PDE4D: variants seen among roughly 807,000 people sequenced by gnomAD.
The protein encoded by PDE4D is phosphodiesterase 4D.
PDE4D carries 24 observed loss-of-function variants against 87.4 expected under a neutral mutation model. The observed-to-expected ratio is 0.27, with a 90% CI of 0.20 to 0.39. PDE4D has a LOEUF of 0.39. PDE4D is among the 10% of genes least tolerant of loss of function. PDE4D has a pLI of 1.00. For synonymous variants in PDE4D, 384 were observed against 383.2 expected, an observed-to-expected ratio of 1.00 and a Z score of -0.02; for missense variants, 714 against 1,041.0, an observed-to-expected ratio of 0.69 and a Z score of 4.32.
intron 1 of PDE4D, among the ~76,000 whole-genome samples, chr5:59,519,004 A>G (rs1230090690): frequency 6.6e-6 from 1 of 152,212 alleles, no homozygotes; most frequent in Non-Finnish European, 1.5e-5. Flanking sequence ...GCAGGTGTTA[A>G]TAAGTGTTAG....
intron 1 of PDE4D, among the ~76,000 whole-genome samples, chr5:59,276,967 A>G (rs552902974): frequency 2.6e-5 from 4 of 152,248 alleles, no homozygotes; most frequent in East Asian, 1.9e-4. Context: ...CAGAGGATAT[A>G]TACTCCTCTG....
chr5:60,202,963 T>C (rs1240133875), intron 1 of PDE4D, among the ~76,000 whole-genome samples: 1 of 152,160 alleles, frequency 6.6e-6, no homozygotes, highest in African/African-American at 2.4e-5. Flanking sequence ...TTGTTCATAA[T>C]AATAAAAACA....
intron 1 of PDE4D, chr5:59,356,807 C>T (rs1383912259): frequency 6.4e-7 from 1 of 1,564,362 alleles, no homozygotes; most frequent in Non-Finnish European, 8.6e-7. Flanking sequence ...GTAGATGGTC[C>T]TGGCACCGTG....
chr5:59,028,843 T>C (rs549246868), intron 6 of PDE4D, among the ~76,000 whole-genome samples: 38 of 152,308 alleles, frequency 2.5e-4, no homozygotes, highest in Admixed American at 1.4e-3. Flanking sequence ...TGTCCAAAAG[T>C]ATGCCCAGTG....
At chr5:60,112,069 C>G (rs1582717937) in intron 2 of PDE4D, among the ~76,000 whole-genome samples, 1 of 152,080 alleles carries the variant, frequency 6.6e-6, no homozygotes, top group African/African-American at 2.4e-5. Flanking sequence ...ATTCCTGACC[C>G]TAAAGTTGGT....
At chr5:60,323,786 T>C (rs1756524519) in intron 1 of PDE4D, among the ~76,000 whole-genome samples, 1 of 145,966 alleles carries the variant, frequency 6.9e-6, no homozygotes, top group Admixed American at 6.6e-5. Context: ...AGCCTCTCTC[T>C]CCTGAGGTCT....
chr5:58,999,407 G>T, intron 6 of PDE4D: 2 of 624,066 alleles, frequency 3.2e-6, no homozygotes, highest in South Asian at 2.7e-5. Flanking sequence ...CTGATAGTTT[G>T]AACAAATTAC....
intron 1 of PDE4D, among the ~76,000 whole-genome samples, chr5:60,205,069 C>T (rs1458197928): frequency 2.0e-5 from 3 of 152,096 alleles, no homozygotes; most frequent in African/African-American, 7.2e-5. Flanking sequence ...TATCATACTC[C>T]CCCACCTTCC....
chr5:59,574,141 T>A (rs867613437), intron 1 of PDE4D, among the ~76,000 whole-genome samples: 415 of 5,024 alleles, frequency 0.083, 12 homozygotes, highest in African/African-American at 0.14. Context: ...TATATATATA[T>A]ATAAATATAT....
At chr5:60,229,371 A>G (rs1745538469) in intron 1 of PDE4D, among the ~76,000 whole-genome samples, 1 of 152,084 alleles carries the variant, frequency 6.6e-6, no homozygotes, top group Admixed American at 6.5e-5. Flanking sequence ...TAACATATCT[A>G]TTTTTCTTAT....
intron 1 of PDE4D, chr5:60,185,803 C>G: frequency 2.4e-6 from 1 of 418,360 alleles, no homozygotes; most frequent in Non-Finnish European, 4.4e-6. Flanking sequence ...CAGGCTAAAA[C>G]GGTGCTGTGT....
chr5:60,361,787 G>C (rs942091159), intron 1 of PDE4D, among the ~76,000 whole-genome samples: 2 of 152,156 alleles, frequency 1.3e-5, no homozygotes, highest in African/African-American at 2.4e-5. Flanking sequence ...GCACTCAGCT[G>C]ACCCACAATG....
chr5:58,973,869 A>G lies in PDE4D; in HGVS notation c.*795T>C, dbSNP rs1420885098. 5 of 152,648 alleles carry G rather than the reference A, an allele frequency of 3.3e-5. No individual in the cohort carries two copies. The highest frequency in any genetic ancestry group is 1.2e-4 in the African/African-American group (5 of 41,470). The allele number at this position is 152,648 out of a possible 1,614,324, so 9.5% of individuals were successfully genotyped here. A position where few individuals can be genotyped will look rare whatever the true frequency, so the allele number is the denominator to read the frequency against. On this transcript the variant is annotated 3_prime_UTR_variant, in exon 15 of 15. Transcript: ENST00000340635. Reference sequence around the variant, plus strand: ...ATGGAAGTCATTGGTATATAAAACAAACAATGAATCACTACAAATCAGTTA... The same window carrying G: ...ATGGAAGTCATTGGTATATAAAACAGACAATGAATCACTACAAATCAGTTA...
At chr5:59,817,598 T>C (rs1769120067) in intron 1 of PDE4D, among the ~76,000 whole-genome samples, 1 of 152,226 alleles carries the variant, frequency 6.6e-6, no homozygotes. Flanking sequence ...TCACTATATC[T>C]GAAGATAGGG....
At chr5:59,999,761 T>A (rs1196700551) in intron 2 of PDE4D, among the ~76,000 whole-genome samples, 1 of 151,750 alleles carries the variant, frequency 6.6e-6, no homozygotes, top group Non-Finnish European at 1.5e-5. Context: ...AAATAAAAAT[T>A]TATGTTACTT....
chr5:59,430,025 A>G (rs1048794532), intron 1 of PDE4D, among the ~76,000 whole-genome samples: 6 of 152,152 alleles, frequency 3.9e-5, no homozygotes, highest in African/African-American at 1.4e-4. Context: ...AATTCTCATC[A>G]TGGGTGATTT....
At chr5:60,398,308 G>A (rs1029864213) in intron 1 of PDE4D, among the ~76,000 whole-genome samples, 1 of 152,206 alleles carries the variant, frequency 6.6e-6, no homozygotes, top group African/African-American at 2.4e-5. Flanking sequence ...AGTGGTCAGA[G>A]CTATAATGAT....
chr5:59,618,492 G>A (rs1255992897), intron 1 of PDE4D, among the ~76,000 whole-genome samples: 2 of 152,124 alleles, frequency 1.3e-5, no homozygotes, highest in Non-Finnish European at 2.9e-5. Context: ...GGCCATATAT[G>A]CCATGTTACA....
At chr5:60,197,842 G>T (rs1166649337) in intron 1 of PDE4D, among the ~76,000 whole-genome samples, 1 of 151,658 alleles carries the variant, frequency 6.6e-6, no homozygotes, top group Non-Finnish European at 1.5e-5. Context: ...TCAATCCTCT[G>T]TCTCTTAGGA....
Sources: gnomAD v4.1 joint callset for allele counts (sites outside exome capture counted in the v4.1 genomes callset) on GRCh38, gnomAD v4.1.1 for gene constraint, MANE v1.5 for transcripts, NCBI Gene and HGNC (gene_info 2026-07-23, HGNC 2026-07-21) for gene names.